MAP2K5: variants seen among roughly 807,000 people sequenced by gnomAD.
The protein encoded by MAP2K5 is dual specificity mitogen-activated protein kinase kinase 5.
MAP2K5 carries 49 observed loss-of-function variants against 83.1 expected under a neutral mutation model. The observed-to-expected ratio is 0.59, with a 90% CI of 0.47 to 0.75. The LOEUF (loss-of-function observed/expected upper bound fraction) is 0.75, where lower values mean the gene tolerates loss of function less well. MAP2K5 is among the 30% of genes least tolerant of loss of function. MAP2K5 has a pLI of 0.00. For missense variants in MAP2K5, 457 were observed against 557.5 expected, an observed-to-expected ratio of 0.82 and a Z score of 1.82; for synonymous variants, 202 against 191.8, an observed-to-expected ratio of 1.05 and a Z score of -0.44.
rs766042979 is a variant in MAP2K5 at position 67,555,862 on chromosome 15, C to T, written c.184+5780C>T. On this transcript the variant is annotated intron_variant, in intron 2 of 21. Coordinates refer to ENST00000178640, the MANE Select transcript of MAP2K5 (RefSeq NM_145160.3). The surrounding 1 kb of genome is among the most constrained non-coding windows in gnomAD (Gnocchi z 5.2). The stretch of plus-strand genomic sequence containing the variant: ...GCAGTGGTGTGATCTCGGCTCACTG[C>T]AACCTCCACCTCAGGGGTTCAAGCG... 4.6e-5 allele frequency among the ~76,000 whole-genome samples: 7 copies of T among 151,898 alleles called. No homozygotes were observed. Among genetic ancestry groups the T allele is most frequent in the African/African-American group, 7.3e-5 (3 of 41,338 alleles).
chr15:67,750,737 C>T lies in MAP2K5; in HGVS notation c.1134+2136C>T, dbSNP rs1330067218. Among the ~76,000 whole-genome samples, 1 of 152,162 alleles carries T rather than the reference C, an allele frequency of 6.6e-6. No homozygotes were observed. Among genetic ancestry groups the T allele is most frequent in the Non-Finnish European group, 1.5e-5 (1 of 68,040 alleles). ...GTCTTCCCCTTTAGTTCCCACAGGG[C>T]AATTAGCTAGCTATCTTCATTTGCA... On this transcript the variant is annotated intron_variant, in intron 19 of 21. Transcript: ENST00000178640. This position sits in a 1 kb window ranked among gnomAD's most constrained non-coding sequence, Gnocchi z 4.2.
rs1478270162 is a variant in MAP2K5, at chr15:67,760,176, T to G, written c.1135-9426T>G. Among the ~76,000 whole-genome samples the G allele has an allele frequency of 6.6e-6, 1 of 152,242 alleles. No individual in the cohort carries two copies. Among genetic ancestry groups the G allele is most frequent in the African/African-American group, 2.4e-5 (1 of 41,458 alleles). On this transcript the variant is annotated intron_variant, in intron 19 of 21. Coordinates refer to ENST00000178640, the MANE Select transcript of MAP2K5 (RefSeq NM_145160.3). The surrounding 1 kb of genome is among the most constrained non-coding windows in gnomAD (Gnocchi z 4.1). ...ACTTTTTCTATTGGTAATAACTGTT[T>G]CTTTAGAAATGACATTAACATTCTA...
intron 9 of MAP2K5, among the ~76,000 whole-genome samples, chr15:67,634,589 T>TA (rs1436415773): frequency 2.6e-5 from 4 of 152,032 alleles, no homozygotes; most frequent in Non-Finnish European, 5.9e-5. Flanking sequence ...ATTTTTTACT[T>TA]AATGTTTTTT....
At chr15:67,624,641 G>A (rs893868502) in intron 8 of MAP2K5, among the ~76,000 whole-genome samples, 1 of 129,818 alleles carries the variant, frequency 7.7e-6, no homozygotes, top group Non-Finnish European at 1.7e-5. Context: ...GTGTGTGTGA[G>A]TGTGTTTGAC....
rs2090166620 is a variant in MAP2K5, at chr15:67,772,770, G to A, written c.1242+18G>A. On this transcript the variant is annotated intron_variant, in intron 21 of 21. Transcript: ENST00000178640. The stretch of plus-strand genomic sequence containing the variant: ...AATTGATGGTAAGTGAATGTTTTTA[G>A]TTACATTAGAATTCTCAGTTATATA... The A allele has an allele frequency of 6.3e-7, 1 of 1,587,982 alleles. No individual in the cohort carries two copies.
intron 19 of MAP2K5, among the ~76,000 whole-genome samples, chr15:67,756,555 G>GTGTC (rs2089841089): frequency 1.4e-5 from 1 of 70,202 alleles, no homozygotes; most frequent in Non-Finnish European, 3.0e-5. Flanking sequence ...GTGTGTGTGT[G>GTGTC]TGTGTGTTGA....
intron 13 of MAP2K5, among the ~76,000 whole-genome samples, chr15:67,673,230 A>G (rs1232676120): frequency 6.6e-6 from 1 of 152,012 alleles, no homozygotes; most frequent in African/African-American, 2.4e-5. Context: ...TTGTGAAACA[A>G]TGGTAGATCC....
At chr15:67,603,485 T>G (rs1448916859) in intron 8 of MAP2K5, among the ~76,000 whole-genome samples, 2 of 152,214 alleles carry the variant, frequency 1.3e-5, no homozygotes, top group Non-Finnish European at 2.9e-5. Context: ...AATGACAGTA[T>G]CCTGATAATT....
chr15:67,703,439 C>T (rs1217740989), intron 16 of MAP2K5, 31 bp downstream of exon 16: 2 of 1,502,130 alleles, frequency 1.3e-6, no homozygotes, highest in Non-Finnish European at 1.8e-6. Flanking sequence ...CGCTTCTGTG[C>T]ATATCTGTAC....
At chr15:67,804,293 C>G (rs1406349632) in intron 21 of MAP2K5, among the ~76,000 whole-genome samples, 8 of 152,254 alleles carry the variant, frequency 5.3e-5, no homozygotes, top group Non-Finnish European at 1.2e-4. Context: ...CCCTCCATGT[C>G]TGTCCCCTGT....
In MAP2K5 at chr15:67,775,570, A is replaced by G. The variant is rs754879577; in HGVS notation, c.1242+2818A>G. ...TCTTGTTCTAGACTCAGCAGAAGAT[A>G]TAAAGTAGAGGAAGCCACACAGATA... On this transcript the variant is annotated intron_variant, in intron 21 of 21. Transcript: ENST00000178640. The surrounding 1 kb of genome is among the most constrained non-coding windows in gnomAD (Gnocchi z 5.3). Among the ~76,000 whole-genome samples, 1 of 152,250 alleles carries G rather than the reference A, an allele frequency of 6.6e-6. No homozygotes were observed. The highest frequency in any genetic ancestry group is 1.5e-5 in the Non-Finnish European group (1 of 68,038).
rs1357775760 is a variant in MAP2K5 at position 67,587,599 on chromosome 15, T to G, written c.431+686T>G. Among the ~76,000 whole-genome samples, 1 of 152,196 alleles carries G rather than the reference T, an allele frequency of 6.6e-6. No homozygotes were observed. Among genetic ancestry groups the G allele is most frequent in the African/African-American group, 2.4e-5 (1 of 41,460 alleles). On this transcript the variant is annotated intron_variant, in intron 6 of 21. Transcript: ENST00000178640. The surrounding 1 kb of genome is among the most constrained non-coding windows in gnomAD (Gnocchi z 4.8). ...CAACGCAGCTCCTTCCCTTTTTTAC[T>G]TGGCTACATCTCAGAAGGCTCTTTT...
At chr15:67,767,005 A>G (rs1016057120) in intron 19 of MAP2K5, among the ~76,000 whole-genome samples, 4 of 152,176 alleles carry the variant, frequency 2.6e-5, no homozygotes, top group African/African-American at 9.7e-5. Flanking sequence ...CATATCTTTA[A>G]TGAGTGATTC....
At chr15:67,651,971 A>G (rs975166361) in intron 11 of MAP2K5, among the ~76,000 whole-genome samples, 2 of 152,208 alleles carry the variant, frequency 1.3e-5, no homozygotes, top group Non-Finnish European at 2.9e-5. Context: ...ACTAGTTTAC[A>G]TTCCCATCAA....
chr15:67,566,418 C>T (rs1486581745), intron 3 of MAP2K5, among the ~76,000 whole-genome samples: 2 of 152,068 alleles, frequency 1.3e-5, no homozygotes, highest in African/African-American at 4.8e-5. Flanking sequence ...TCAAGTGATC[C>T]GCACACCTTG....
At chr15:67,693,614 T>C in intron 15 of MAP2K5, 46 bp downstream of exon 15, 1 of 1,354,404 alleles carries the variant, frequency 7.4e-7, no homozygotes, top group Non-Finnish European at 1.1e-6. Context: ...AACATCTTTA[T>C]CTTTATGTAC....
In MAP2K5 at chr15:67,708,745, G is replaced by C. The variant is rs1399381221; in HGVS notation, c.1044+5337G>C. Among the ~76,000 whole-genome samples, 3 of 151,526 alleles carry C rather than the reference G, an allele frequency of 2.0e-5. No homozygotes were observed. The highest frequency in any genetic ancestry group is 4.4e-5 in the Non-Finnish European group (3 of 67,834). ...AGCCCCCATGGGGAGTCATAAAAAG[G>C]CCTCTTGCCACACTCTTTCATAAAA... On this transcript the variant is annotated intron_variant, in intron 16 of 21. Coordinates refer to ENST00000178640, the MANE Select transcript of MAP2K5 (RefSeq NM_145160.3). The surrounding 1 kb of genome is among the most constrained non-coding windows in gnomAD (Gnocchi z 4.9).
At chr15:67,682,556 G>C (rs2087845016) in intron 13 of MAP2K5, among the ~76,000 whole-genome samples, 1 of 151,386 alleles carries the variant, frequency 6.6e-6, no homozygotes, top group Non-Finnish European at 1.5e-5. Flanking sequence ...TAGGTTGGCT[G>C]GATGTGGTGG....
At chr15:67,693,895 T>A (rs8035189) in intron 15 of MAP2K5, among the ~76,000 whole-genome samples, 2,856 of 152,014 alleles carry the variant, frequency 0.019, 96 homozygotes, top group African/African-American at 0.065. Flanking sequence ...CCCTCAAGTA[T>A]CCCCAAATGT....
Sources: gnomAD v4.1 joint callset for allele counts (sites outside exome capture counted in the v4.1 genomes callset) on GRCh38, gnomAD v4.1.1 for gene constraint, Gnocchi (gnomAD v3.1) non-coding constraint, MANE v1.5 for transcripts, NCBI Gene and HGNC (gene_info 2026-07-23, HGNC 2026-07-21) for gene names.